PCDHGA4: variants seen among roughly 807,000 people sequenced by gnomAD.
PCDHGA4 encodes the protein protocadherin gamma subfamily A, 4.
Under a neutral mutation model 54.6 loss-of-function variants are expected in PCDHGA4, and 38 were observed. The observed-to-expected ratio is 0.70, with a 90% CI of 0.54 to 0.91. The LOEUF (loss-of-function observed/expected upper bound fraction) is 0.91, where lower values mean the gene tolerates loss of function less well. PCDHGA4 is among the 40% of genes least tolerant of loss of function. The pLI is 0.00. For missense variants in PCDHGA4, 1,298 were observed against 1,220.9 expected (o/e 1.06, Z -0.94); for synonymous variants, 511 against 512.9 (o/e 1.00, Z 0.05).
chr5:141,398,237 T>G, intron 1 of PCDHGA4: 1 of 1,479,534 alleles, frequency 6.8e-7, no homozygotes, highest in Non-Finnish European at 9.2e-7. Context: ...CGCTACAGGA[T>G]TCCCGAGGAA....
intron 1 of PCDHGA4, chr5:141,362,467 C>A (rs771966305): frequency 6.2e-7 from 1 of 1,614,052 alleles, no homozygotes; most frequent in South Asian, 1.1e-5. Flanking sequence ...GGTTCCCGCG[C>A]AAGATCTCGT....
intron 1 of PCDHGA4, chr5:141,361,467 C>T (rs1431516547): frequency 1.2e-6 from 2 of 1,614,046 alleles, no homozygotes; most frequent in African/African-American, 1.3e-5. Flanking sequence ...ACATCTCCGA[C>T]GTCAACGATA....
chr5:141,422,997 C>G, intron 1 of PCDHGA4: 1 of 1,614,218 alleles, frequency 6.2e-7, no homozygotes, highest in South Asian at 1.1e-5. Flanking sequence ...ACCTGGTGAC[C>G]AAGGTGGTTG....
At chr5:141,373,930 A>G in intron 1 of PCDHGA4, 1 of 675,978 alleles carries the variant, frequency 1.5e-6, no homozygotes, top group Non-Finnish European at 2.3e-6. Context: ...TAGACGGGAA[A>G]GCAGGAAAGC....
At chr5:141,362,593 A>G (rs777823530) in intron 1 of PCDHGA4, 1 of 1,589,406 alleles carries the variant, frequency 6.3e-7, no homozygotes, top group Non-Finnish European at 8.6e-7. Context: ...TTCTGGTTTT[A>G]TTGTTTCACC....
At position 141,431,276 on chromosome 5, in the gene PCDHGA4, A is replaced by T; in HGVS notation, c.2515-63531A>T. 6.2e-7 allele frequency: 1 copy of T among 1,614,176 alleles called. No individual in the cohort carries two copies. Among genetic ancestry groups the T allele is most frequent in the South Asian group, 1.1e-5 (1 of 91,084 alleles). ...GAACTCTCTGCAGAGCTACGAGCTC[A>T]GCCCGAACACTCACTTCTCCCTCAT... is the stretch of plus-strand genomic sequence containing the variant. On this transcript the variant is annotated intron_variant, in intron 1 of 3. Transcript: ENST00000571252. The surrounding 1 kb of genome is among the most constrained non-coding windows in gnomAD (Gnocchi z 4.8).
intron 1 of PCDHGA4, chr5:141,372,944 T>C: frequency 5.1e-6 from 4 of 788,876 alleles, no homozygotes; most frequent in Non-Finnish European, 7.7e-6. Context: ...GTAGGGTGTC[T>C]AGGAAATTCT....
At chr5:141,413,855 C>G (rs2095686270) in intron 1 of PCDHGA4, 1 of 1,613,206 alleles carries the variant, frequency 6.2e-7, no homozygotes, top group African/African-American at 1.3e-5. Flanking sequence ...CCTCTCCGAT[C>G]TGGCACTGTC....
In PCDHGA4 at chr5:141,459,352, C is replaced by T. The variant is rs111826527; in HGVS notation, c.2515-35455C>T. On this transcript the variant is annotated intron_variant, in intron 1 of 3. Coordinates refer to ENST00000571252, the MANE Select transcript of PCDHGA4 (RefSeq NM_018917.4). Reference sequence around the variant, plus strand: ...TACTCCAAAGTTCTTGAAATTCATTCATGTTCCTGTGTGTATCAGCAGCGT... The same window carrying T: ...TACTCCAAAGTTCTTGAAATTCATTTATGTTCCTGTGTGTATCAGCAGCGT... 1.4e-4 allele frequency among the ~76,000 whole-genome samples: 21 copies of T among 152,304 alleles called. No homozygotes were observed. The East Asian group carries it at 3.7e-3, about 27-fold the overall frequency.
intron 1 of PCDHGA4, chr5:141,468,401 C>G (rs943048252): frequency 6.7e-6 from 1 of 149,126 alleles, no homozygotes; most frequent in Non-Finnish European, 1.5e-5. Flanking sequence ...TTGGTGAGAA[C>G]TAATAATAAG....
intron 1 of PCDHGA4, chr5:141,419,330 C>T: frequency 1.2e-6 from 2 of 1,613,956 alleles, no homozygotes; most frequent in South Asian, 1.1e-5. Flanking sequence ...CTCCTACTCT[C>T]TCATTGCCAG....
chr5:141,420,044 T>C lies in PCDHGA4; in HGVS notation c.2514+62423T>C, dbSNP rs769790599. 1.7e-5 allele frequency: 27 copies of C among 1,613,934 alleles called. No individual in the cohort carries two copies. In the East Asian group the frequency reaches 6.0e-4, roughly 36 times the overall value. On this transcript the variant is annotated intron_variant, in intron 1 of 3. Coordinates refer to ENST00000571252, the MANE Select transcript of PCDHGA4 (RefSeq NM_018917.4). ...CCCTACTGCAGGAGACTGCTTTGAG[T>C]CAGTTCTCTGCTCCAAGTCCGGACC...
At chr5:141,455,583 A>G (rs1485134189) in intron 1 of PCDHGA4, among the ~76,000 whole-genome samples, 4 of 152,144 alleles carry the variant, frequency 2.6e-5, no homozygotes, top group Non-Finnish European at 2.9e-5. Context: ...CCAGCCTTTT[A>G]ATATGCAAAC....
intron 1 of PCDHGA4, chr5:141,414,354 T>C (rs1389145668): frequency 1.2e-6 from 2 of 1,613,800 alleles, no homozygotes; most frequent in Admixed American, 1.7e-5. Flanking sequence ...TTTTGGCGTA[T>C]CTACCATTTA....
At chr5:141,507,262 G>A (rs1294679320) in intron 3 of PCDHGA4, 6 of 151,748 alleles carry the variant, frequency 4.0e-5, no homozygotes, top group Non-Finnish European at 8.8e-5. Flanking sequence ...TAAACAGCAA[G>A]TACTATTTCA....
rs115453161 is a variant in PCDHGA4, at chr5:141,365,386, G to A, written c.2514+7765G>A. ...CCCCCGAAGTGATCCTCACCTCTCT[G>A]ACCAGTTCGATCTCTGAAGACTGTC... On this transcript the variant is annotated intron_variant, in intron 1 of 3. Coordinates refer to ENST00000571252, the MANE Select transcript of PCDHGA4 (RefSeq NM_018917.4). 1,074 of 1,613,934 alleles carry A rather than the reference G, an allele frequency of 6.7e-4. 8 individuals carry two copies. In the African/African-American group the frequency reaches 0.012, roughly 19 times the overall value.
chr5:141,495,465 G>A (rs563411010), intron 2 of PCDHGA4, among the ~76,000 whole-genome samples: 3 of 152,182 alleles, frequency 2.0e-5, no homozygotes, highest in Non-Finnish European at 2.9e-5. Context: ...TGTCTGTGGG[G>A]TCTCCGTGTC....
At chr5:141,463,438 CTTTTTTTTTTTTTT>C (rs71576115) in intron 1 of PCDHGA4, among the ~76,000 whole-genome samples, 7 of 103,256 alleles carry the variant, frequency 6.8e-5, no homozygotes, top group Non-Finnish European at 9.4e-5. Flanking sequence ...TTTCCTTCTC[CTTTTTTTTTTTTTT>C]TTTTTTTTTT....
intron 1 of PCDHGA4, chr5:141,372,823 A>G (rs1561557860): frequency 6.4e-7 from 1 of 1,564,608 alleles, no homozygotes; most frequent in South Asian, 1.2e-5. Flanking sequence ...AGTTTCTTCA[A>G]ACCTTTCCTT....
Sources: gnomAD v4.1 joint callset for allele counts (sites outside exome capture counted in the v4.1 genomes callset) on GRCh38, gnomAD v4.1.1 for gene constraint, Gnocchi (gnomAD v3.1) non-coding constraint, MANE v1.5 for transcripts, NCBI Gene and HGNC (gene_info 2026-07-23, HGNC 2026-07-21) for gene names.